CFAP161: variants seen among roughly 807,000 people sequenced by gnomAD.
CFAP161 encodes cilia and flagella associated protein 161.
CFAP161 carries 25 observed loss-of-function variants against 29.0 expected under a neutral mutation model. That is an observed-to-expected ratio of 0.86 (90% CI 0.63 to 1.20). The LOEUF (loss-of-function observed/expected upper bound fraction) is 1.20, where lower values mean the gene tolerates loss of function less well. Ranked by LOEUF, CFAP161 falls within the 50% of genes most tolerant of loss-of-function variation. The probability of loss-of-function intolerance (pLI) is 0.00; values close to 1 mark genes in which losing one functional copy is unlikely to be tolerated. For missense variants in CFAP161, 367 were observed against 371.9 expected (o/e 0.99, Z 0.11); for synonymous variants, 116 against 137.4 (o/e 0.84, Z 1.09).
intron 1 of CFAP161, among the ~76,000 whole-genome samples, chr15:81,125,613 T>G (rs1489537349): frequency 1.3e-5 from 2 of 152,224 alleles, no homozygotes; most frequent in Non-Finnish European, 2.9e-5. Flanking sequence ...TTTACTTTAG[T>G]CATGTGAACT....
At chr15:81,130,864 T>G (rs558804368), upstream of CFAP161, among the ~76,000 whole-genome samples, 5 of 152,208 alleles carry the variant, frequency 3.3e-5, no homozygotes, top group South Asian at 1.0e-3. Flanking sequence ...GATGGGGACA[T>G]GGCTGGTAGG....
chr15:81,107,333 A>G (rs1420491190), intron 1 of CFAP161, among the ~76,000 whole-genome samples: 1 of 152,242 alleles, frequency 6.6e-6, no homozygotes, highest in Non-Finnish European at 1.5e-5. Context: ...AGATGAGGCA[A>G]CTAAGTCATA....
chr15:81,133,233 T>A (rs1312291418), upstream of CFAP161, among the ~76,000 whole-genome samples: 21 of 126,334 alleles, frequency 1.7e-4, no homozygotes, highest in Non-Finnish European at 2.5e-4. Context: ...ATGTATTTTT[T>A]TTTAAATTGG....
intron 4 of CFAP161, among the ~76,000 whole-genome samples, chr15:81,139,792 G>C (rs1384199661): frequency 2.0e-5 from 3 of 152,072 alleles, no homozygotes; most frequent in Non-Finnish European, 4.4e-5. Flanking sequence ...CAAAGAATAT[G>C]AACACATTTA....
chr15:81,111,437 C>T (rs888241404), intron 1 of CFAP161, among the ~76,000 whole-genome samples: 1 of 152,236 alleles, frequency 6.6e-6, no homozygotes, highest in Non-Finnish European at 1.5e-5. Flanking sequence ...CAGCACACGG[C>T]ATCACCTCTC....
upstream of CFAP161, among the ~76,000 whole-genome samples, chr15:81,130,945 C>T (rs550677212): frequency 6.6e-6 from 1 of 151,818 alleles, no homozygotes; most frequent in South Asian, 2.1e-4. Context: ...TCATGGTGCC[C>T]CAAACAACTA....
chr15:81,127,098 C>T (rs571327912), intron 1 of CFAP161, among the ~76,000 whole-genome samples: 2 of 152,158 alleles, frequency 1.3e-5, no homozygotes, highest in African/African-American at 2.4e-5. Context: ...CCCAGAAAAC[C>T]TGGCATGCCT....
chr15:81,119,336 C>A (rs2663935), intron 1 of CFAP161, among the ~76,000 whole-genome samples: 86,942 of 151,948 alleles, frequency 0.57, 26,122 homozygotes, highest in Non-Finnish European at 0.68. Context: ...CTGAGAGTGT[C>A]ACATCAGGAC....
At chr15:81,105,192 CCTCACTCCCCCT>C (rs1894355121) in intron 1 of CFAP161, among the ~76,000 whole-genome samples, 1 of 79,534 alleles carries the variant, frequency 1.3e-5, no homozygotes, top group Non-Finnish European at 2.9e-5. Flanking sequence ...TTTTTTCCTC[CCTCACTCCCCCT>C]CCTCCTTTCT....
chr15:81,128,784 A>G (rs1175316683), intron 2 of CFAP161, among the ~76,000 whole-genome samples: 1 of 152,132 alleles, frequency 6.6e-6, no homozygotes, highest in Non-Finnish European at 1.5e-5. Flanking sequence ...CAGAGAAATC[A>G]CTATCTTTGG....
At position 81,114,106 on chromosome 15, in the gene CFAP161, C is replaced by T. The variant is rs969169308; in HGVS notation, c.-141-13484C>T. Among the ~76,000 whole-genome samples the T allele has an allele frequency of 2.0e-4, 31 of 152,068 alleles. 2 individuals carry two copies. The highest frequency in any genetic ancestry group is 1.7e-3 in the Admixed American group (26 of 15,256). On this transcript the variant is annotated intron_variant, in intron 1 of 4. Transcript: ENST00000560091. ...AAACAAGCAAACAAAAACAATGAGC[C>T]CTGGGCATGGAGAAAAAATAGACAG...
Position 81,134,335 on chromosome 15 carries a change from G to A in CFAP161, c.6G>A (p.Ala2=). 6.3e-7 allele frequency: 1 copy of A among 1,587,256 alleles called. No homozygotes were observed. The highest frequency in any genetic ancestry group is 1.2e-5 in the South Asian group (1 of 86,378). The change falls in exon 1 of 7, where the codon GCG becomes GCA. Residue 2 remains alanine, a synonymous_variant. Coordinates refer to ENST00000286732, the MANE Select transcript of CFAP161 (RefSeq NM_173528.4). M[A]QNVYGPGVRI... is the part of the protein sequence containing the mutation. ...TTGCTGAACAGCAGGGAGCGATGGC[G>A]CAGAACGTGTATGGTCCGGGAGTCC...
In CFAP161 at chr15:81,141,197, C is replaced by T. The variant is rs553237949; in HGVS notation, c.478-2465C>T. Reference sequence around the variant, plus strand: ...GATGTCTCTCCATTTATTCTGTCAGCAAAATTTTCTATCACCCAGTAAGAT... The same window carrying T: ...GATGTCTCTCCATTTATTCTGTCAGTAAAATTTTCTATCACCCAGTAAGAT... On this transcript the variant is annotated intron_variant, in intron 4 of 6. Coordinates refer to ENST00000286732, the MANE Select transcript of CFAP161 (RefSeq NM_173528.4). 9.1e-4 allele frequency among the ~76,000 whole-genome samples: 138 copies of T among 152,284 alleles called. No individual in the cohort carries two copies. In the Middle Eastern group the frequency reaches 0.014, roughly 15 times the overall value.
chr15:81,136,800 G>A (rs748755771), intron 3 of CFAP161, 52 bp downstream of exon 3: 1 of 1,481,044 alleles, frequency 6.8e-7, no homozygotes, highest in Non-Finnish European at 9.4e-7. Flanking sequence ...TGTTTCACTT[G>A]TAGCTTAAAG....
intron 1 of CFAP161, among the ~76,000 whole-genome samples, chr15:81,114,849 G>A (rs1319491067): frequency 6.6e-6 from 1 of 152,120 alleles, no homozygotes; most frequent in Non-Finnish European, 1.5e-5. Context: ...ATTTTTAGTA[G>A]AGACAGGGTT....
intron 1 of CFAP161, among the ~76,000 whole-genome samples, chr15:81,111,338 A>G (rs1041827627): frequency 6.6e-6 from 1 of 152,220 alleles, no homozygotes; most frequent in African/African-American, 2.4e-5. Context: ...TGCCCATTGC[A>G]GTGTCATTTT....
chr15:81,119,634 G>C (rs916677190), intron 1 of CFAP161, among the ~76,000 whole-genome samples: 4 of 152,140 alleles, frequency 2.6e-5, no homozygotes, highest in African/African-American at 9.7e-5. Flanking sequence ...CAAGATGAGA[G>C]AGACATTTTT....
intron 4 of CFAP161, among the ~76,000 whole-genome samples, chr15:81,141,339 T>C (rs753699253): frequency 3.9e-5 from 6 of 152,190 alleles, no homozygotes; most frequent in Non-Finnish European, 5.9e-5. Flanking sequence ...GGATAGAACA[T>C]TTGATAGAAT....
chr15:81,106,677 T>A (rs1462922897), intron 1 of CFAP161, among the ~76,000 whole-genome samples: 1 of 152,184 alleles, frequency 6.6e-6, no homozygotes, highest in Non-Finnish European at 1.5e-5. Context: ...AGGGCACACT[T>A]GCCCAATTAT....
Sources: allele counts gnomAD v4.1 joint callset (sites outside exome capture counted in the v4.1 genomes callset), GRCh38; gene constraint gnomAD v4.1.1; transcripts MANE v1.5; gene names NCBI Gene and HGNC (gene_info 2026-07-23, HGNC 2026-07-21).